PIK3C2A: variants seen among roughly 807,000 people sequenced by gnomAD.
PIK3C2A encodes the protein phosphatidylinositol 4-phosphate 3-kinase C2 domain-containing subunit alpha.
A neutral mutation model predicts 204.5 loss-of-function variants in PIK3C2A; 97 were observed. The ratio of observed to expected loss-of-function variants is 0.47; its 90% CI spans 0.40 to 0.56. The LOEUF (loss-of-function observed/expected upper bound fraction) is 0.56. PIK3C2A is among the 20% of genes least tolerant of loss of function. The pLI is 0.00. For synonymous variants in PIK3C2A, 653 were observed against 664.4 expected (o/e 0.98, Z 0.26); for missense variants, 1,735 against 1,969.2 (o/e 0.88, Z 2.25).
intron 1 of PIK3C2A, among the ~76,000 whole-genome samples, chr11:17,182,526 TC>T (rs1851599678): frequency 6.8e-6 from 1 of 146,504 alleles, no homozygotes; most frequent in African/African-American, 2.6e-5. Flanking sequence ...TCAAGATCAT[TC>T]ACTGTACTTC....
intron 1 of PIK3C2A, among the ~76,000 whole-genome samples, chr11:17,174,305 C>T (rs1851268315): frequency 1.0e-5 from 1 of 96,204 alleles, no homozygotes; most frequent in African/African-American, 4.1e-5. Flanking sequence ...AACAAAACAG[C>T]GGCCGGGCGC....
intron 2 of PIK3C2A, among the ~76,000 whole-genome samples, chr11:17,156,031 A>G (rs1386297720): frequency 6.6e-6 from 1 of 152,214 alleles, no homozygotes; most frequent in South Asian, 2.1e-4. Context: ...TATATATTCA[A>G]CTAGGACCCA....
In PIK3C2A at chr11:17,155,573, A is replaced by G; in HGVS notation, c.1122T>C (p.Val374=). Residue 374 remains valine, a synonymous_variant, in exon 3 of 33, where the codon GTT becomes GTC. Transcript: ENST00000691414. ...CTGCCATCTCCTCATTCTGTACTTC[A>G]ACTTCTTGAAGAAGAGAACTTCCAG... The part of the protein sequence containing the change: ...LPTGSSLLQE[V]EVQNEEMAAF... 6.2e-7 allele frequency: 1 copy of G among 1,608,330 alleles called. No individual in the cohort carries two copies. Among genetic ancestry groups the G allele is most frequent in the South Asian group, 1.1e-5 (1 of 90,446 alleles).
chr11:17,095,506 G>A (rs941345029), intron 27 of PIK3C2A, among the ~76,000 whole-genome samples: 5 of 151,340 alleles, frequency 3.3e-5, no homozygotes, highest in African/African-American at 1.2e-4. Context: ...CAGGAGAATG[G>A]CGTGAACCCG....
At chr11:17,113,012 T>C (rs1212567232) in intron 20 of PIK3C2A, among the ~76,000 whole-genome samples, 1 of 152,034 alleles carries the variant, frequency 6.6e-6, no homozygotes, top group African/African-American at 2.4e-5. Context: ...TTTTTCATTT[T>C]ATTTATTTAT....
intron 23 of PIK3C2A, among the ~76,000 whole-genome samples, chr11:17,103,963 G>C (rs913588056): frequency 6.6e-6 from 1 of 152,126 alleles, no homozygotes; most frequent in Non-Finnish European, 1.5e-5. Flanking sequence ...AGATCACAAA[G>C]AAGTATGAAA....
rs1295051790 is a variant in PIK3C2A, at chr11:17,155,759, C to CA, written c.1066-131dup. 9.6e-6 allele frequency: 5 copies of CA among 521,122 alleles called. No homozygotes were observed. The East Asian group carries it at 1.5e-4, about 15-fold the overall frequency. 32.3% of individuals were successfully genotyped at this position (521,122 alleles called of 1,614,324 possible). ...GAGGTAAAATAAATCATATCAATAA[C>CA]AAATTTTTAAATTATATATTTCTAT... On this transcript the variant is annotated intron_variant, in intron 2 of 32. Coordinates refer to ENST00000691414, the MANE Select transcript of PIK3C2A (RefSeq NM_002645.4).
At position 17,102,841 on chromosome 11, in the gene PIK3C2A, A is replaced by C. The variant is rs36120454; in HGVS notation, c.3682-10T>G. On this transcript the variant is annotated splice_polypyrimidine_tract_variant and intron_variant, in intron 23 of 32. Coordinates refer to ENST00000691414, the MANE Select transcript of PIK3C2A (RefSeq NM_002645.4). ...TAAAGTTCTCTGAAGCCTATAAAAAACATACACAATTATTTTAGAAAATGA... is the reference window on the plus strand; with the variant it reads ...TAAAGTTCTCTGAAGCCTATAAAAACCATACACAATTATTTTAGAAAATGA... 111,118 of 1,534,906 alleles carry C rather than the reference A, an allele frequency of 0.072. 5,082 individuals are homozygous for C. The highest frequency in any genetic ancestry group is 0.082 in the Non-Finnish European group (92,554 of 1,127,890).
At chr11:17,122,990 G>T (rs1331469787) in intron 13 of PIK3C2A, among the ~76,000 whole-genome samples, 177 bp from the exon 14 acceptor site, 1 of 152,122 alleles carries the variant, frequency 6.6e-6, no homozygotes, top group Admixed American at 6.5e-5. Context: ...CAGGTGTAGG[G>T]TAAATGTATT....
intron 18 of PIK3C2A, 112 bp downstream of exon 18, chr11:17,118,533 A>T (rs1023316234): frequency 1.4e-5 from 8 of 582,518 alleles, no homozygotes; most frequent in African/African-American, 1.1e-4. Flanking sequence ...CTTCAATAAA[A>T]TATCTTGTAT....
intron 27 of PIK3C2A, among the ~76,000 whole-genome samples, chr11:17,095,556 A>G (rs1161824670): frequency 6.6e-6 from 1 of 151,722 alleles, no homozygotes; most frequent in Non-Finnish European, 1.5e-5. Flanking sequence ...ACACCTCTGC[A>G]CTCCAGCCTG....
chr11:17,180,528 CA>C (rs11358909), intron 1 of PIK3C2A, among the ~76,000 whole-genome samples: 50,816 of 147,364 alleles, frequency 0.34, 9,359 homozygotes, highest in East Asian at 0.8. Flanking sequence ...CAACAAAAAA[CA>C]AAAAAAAAAA....
At chr11:17,156,103 T>G (rs1464558374) in intron 2 of PIK3C2A, among the ~76,000 whole-genome samples, 1 of 152,194 alleles carries the variant, frequency 6.6e-6, no homozygotes, top group Non-Finnish European at 1.5e-5. Flanking sequence ...AATAAACTTA[T>G]ACTAACATCC....
chr11:17,110,637 A>T, intron 21 of PIK3C2A, 76 bp from the exon 22 acceptor site: 1 of 1,375,738 alleles, frequency 7.3e-7, no homozygotes, highest in Non-Finnish European at 9.8e-7. Context: ...GAAAGCTGTA[A>T]TCCCAGCACT....
chr11:17,142,074 C>T (rs1210235311), intron 8 of PIK3C2A, among the ~76,000 whole-genome samples: 2 of 151,950 alleles, frequency 1.3e-5, no homozygotes, highest in Non-Finnish European at 2.9e-5. Flanking sequence ...CCTAACATTG[C>T]TCTCAAAAAA....
intron 2 of PIK3C2A, among the ~76,000 whole-genome samples, chr11:17,163,250 G>A (rs753673311): frequency 4.6e-5 from 7 of 152,118 alleles, no homozygotes; most frequent in Non-Finnish European, 7.4e-5. Flanking sequence ...AGGTTGCAGT[G>A]TGCCGAGATC....
At chr11:17,127,645 T>G (rs973971630) in intron 13 of PIK3C2A, among the ~76,000 whole-genome samples, 1 of 152,186 alleles carries the variant, frequency 6.6e-6, no homozygotes, top group African/African-American at 2.4e-5. Flanking sequence ...GAAAAGAATA[T>G]TTCAAGAACA....
intron 22 of PIK3C2A, among the ~76,000 whole-genome samples, chr11:17,106,543 T>C (rs12292965): frequency 1.8e-4 from 28 of 152,372 alleles, no homozygotes; most frequent in African/African-American, 6.7e-4. Context: ...CATGTACTAA[T>C]TCCCAAAGGA....
At chr11:17,135,286 G>T in intron 9 of PIK3C2A, 127 bp from the exon 10 acceptor site, 1 of 846,790 alleles carries the variant, frequency 1.2e-6, no homozygotes. Flanking sequence ...TTAATAAAAC[G>T]ATAAATAAAT....
Sources: gnomAD v4.1 joint callset for allele counts (sites outside exome capture counted in the v4.1 genomes callset) on GRCh38, gnomAD v4.1.1 for gene constraint, MANE v1.5 for transcripts, NCBI Gene and HGNC (gene_info 2026-07-23, HGNC 2026-07-21) for gene names.